MYRIP: variants seen among roughly 807,000 people sequenced by gnomAD.
MYRIP encodes rab effector MyRIP.
MYRIP carries 49 observed loss-of-function variants against 98.0 expected under a neutral mutation model. The observed-to-expected ratio is 0.50, with a 90% CI of 0.40 to 0.63. The LOEUF (loss-of-function observed/expected upper bound fraction) is 0.63, where lower values mean the gene tolerates loss of function less well. MYRIP is among the 30% of genes least tolerant of loss of function. The probability of loss-of-function intolerance (pLI) is 0.00; values close to 1 mark genes in which losing one functional copy is unlikely to be tolerated. For missense variants in MYRIP, 1,004 were observed against 1,058.2 expected (o/e 0.95, Z 0.71); for synonymous variants, 404 against 409.5 (o/e 0.99, Z 0.16).
chr3:40,019,933 C>T (rs1307763090), intron 2 of MYRIP, among the ~76,000 whole-genome samples: 2 of 152,146 alleles, frequency 1.3e-5, no homozygotes. Flanking sequence ...TTTGAACTGA[C>T]ATCTTTTAGG....
At chr3:39,876,087 A>G (rs946991168) in intron 1 of MYRIP, among the ~76,000 whole-genome samples, 6 of 152,144 alleles carry the variant, frequency 3.9e-5, no homozygotes, top group African/African-American at 1.4e-4. Context: ...TCCCTTTACC[A>G]TTACATAATG....
intron 1 of MYRIP, among the ~76,000 whole-genome samples, chr3:39,852,496 T>C (rs1942158383): frequency 6.6e-6 from 1 of 152,180 alleles, no homozygotes; most frequent in East Asian, 1.9e-4. Context: ...ACCTGAGCAG[T>C]GTACACTGTA....
intron 2 of MYRIP, among the ~76,000 whole-genome samples, chr3:40,035,078 T>TGGGGGGA (rs1444270835): frequency 1.7e-5 from 1 of 57,372 alleles, no homozygotes; most frequent in East Asian, 6.5e-4. Context: ...TGTTATGGGG[T>TGGGGGGA]GGGGGGAGGG....
intron 1 of MYRIP, among the ~76,000 whole-genome samples, chr3:39,824,700 G>A (rs992325149): frequency 2.0e-5 from 3 of 151,166 alleles, no homozygotes; most frequent in Admixed American, 6.6e-5. Flanking sequence ...CTACTAATCC[G>A]ACTGATCGTT....
At chr3:40,181,552 TAAAC>T (rs1432976494) in intron 8 of MYRIP, among the ~76,000 whole-genome samples, 2 of 152,120 alleles carry the variant, frequency 1.3e-5, no homozygotes, top group Non-Finnish European at 2.9e-5. Context: ...AACAGCAAAA[TAAAC>T]AACCAGTAAA....
At chr3:39,836,456 A>T (rs1941629316) in intron 1 of MYRIP, among the ~76,000 whole-genome samples, 2 of 152,054 alleles carry the variant, frequency 1.3e-5, no homozygotes, top group African/African-American at 4.8e-5. Flanking sequence ...TATTTCTTGT[A>T]AATTTGTTTA....
At chr3:40,002,526 A>G (rs1277351640) in intron 2 of MYRIP, among the ~76,000 whole-genome samples, 8 of 151,152 alleles carry the variant, frequency 5.3e-5, no homozygotes. Flanking sequence ...CAAGAGCAAG[A>G]CTCTGTCTAA....
At chr3:39,936,958 A>G (rs1429167262) in intron 2 of MYRIP, among the ~76,000 whole-genome samples, 5 of 152,126 alleles carry the variant, frequency 3.3e-5, no homozygotes, top group Non-Finnish European at 1.5e-5. Context: ...ATCCCCAATA[A>G]CAGTTAATTA....
At chr3:40,169,736 A>G (rs1334264839) in intron 7 of MYRIP, among the ~76,000 whole-genome samples, 1 of 152,248 alleles carries the variant, frequency 6.6e-6, no homozygotes, top group Non-Finnish European at 1.5e-5. Flanking sequence ...TGTTAACATC[A>G]TAAAAGGATT....
At chr3:40,231,701 TA>T (rs1952664609) in intron 11 of MYRIP, among the ~76,000 whole-genome samples, 1 of 152,244 alleles carries the variant, frequency 6.6e-6, no homozygotes. Flanking sequence ...CTTGGACCTT[TA>T]ATGCACTGTG....
At chr3:39,994,045 G>T (rs1438335292) in intron 2 of MYRIP, among the ~76,000 whole-genome samples, 2 of 152,194 alleles carry the variant, frequency 1.3e-5, no homozygotes, top group Non-Finnish European at 2.9e-5. Flanking sequence ...AATGTAAAAA[G>T]AACTTTTAGA....
intron 11 of MYRIP, among the ~76,000 whole-genome samples, chr3:40,227,146 C>T (rs1452486943): frequency 1.3e-5 from 2 of 152,228 alleles, no homozygotes; most frequent in East Asian, 3.8e-4. Flanking sequence ...TTACTTGTTT[C>T]TGCATCCCCT....
chr3:39,942,542 G>A (rs1178311702), intron 2 of MYRIP, among the ~76,000 whole-genome samples: 4 of 152,046 alleles, frequency 2.6e-5, no homozygotes, highest in African/African-American at 9.7e-5. Context: ...CATAATAGAT[G>A]TGTATATTTT....
intron 1 of MYRIP, among the ~76,000 whole-genome samples, chr3:39,815,451 T>G (rs758522480): frequency 5.3e-5 from 8 of 152,178 alleles, no homozygotes; most frequent in East Asian, 1.9e-4. Context: ...ATATCACATC[T>G]TAGTATCCCT....
chr3:39,873,522 G>A (rs1380611159), intron 1 of MYRIP, among the ~76,000 whole-genome samples: 7 of 152,154 alleles, frequency 4.6e-5, no homozygotes, highest in Non-Finnish European at 7.3e-5. Flanking sequence ...GGTATAAGGT[G>A]TAAGGAAGGG....
intron 2 of MYRIP, among the ~76,000 whole-genome samples, chr3:39,939,547 T>G (rs1944733906): frequency 6.6e-6 from 1 of 152,160 alleles, no homozygotes; most frequent in Admixed American, 6.5e-5. Flanking sequence ...AGTGATTGTC[T>G]TAGGTTGATA....
At chr3:39,848,458 C>T (rs1332906632) in intron 1 of MYRIP, among the ~76,000 whole-genome samples, 1 of 140,758 alleles carries the variant, frequency 7.1e-6, no homozygotes, top group Non-Finnish European at 1.6e-5. Flanking sequence ...TTTCCTTTTG[C>T]TTATTTTGAC....
intron 2 of MYRIP, among the ~76,000 whole-genome samples, chr3:40,042,288 TAA>T (rs66600615): frequency 0.5 from 55,678 of 111,836 alleles, 11,444 homozygotes; most frequent in East Asian, 0.58. Context: ...ACTGGAAGGA[TAA>T]AAAAAAAAAA....
At position 40,238,330 on chromosome 3, in the gene MYRIP, T is replaced by C. The variant is rs760242977; in HGVS notation, c.2100+4277T>C. On this transcript the variant is annotated intron_variant, in intron 12 of 16. Transcript: ENST00000302541. ...GTTGCCTTGCTCTGCTGCTCCCGGA[T>C]GGAATTCAGCTGAGCAGTGGGAGAA... 1.2e-3 allele frequency among the ~76,000 whole-genome samples: 182 copies of C among 152,228 alleles called. 2 individuals are homozygous for C. The highest frequency in any genetic ancestry group is 3.3e-3 in the Admixed American group (50 of 15,290).
Sources: gnomAD v4.1 joint callset for allele counts (sites outside exome capture counted in the v4.1 genomes callset) on GRCh38, gnomAD v4.1.1 for gene constraint, MANE v1.5 for transcripts, NCBI Gene and HGNC (gene_info 2026-07-23, HGNC 2026-07-21) for gene names.